RFC3: variants seen among roughly 807,000 people sequenced by gnomAD.
RFC3 encodes A1 38 kDa subunit.
Under a neutral mutation model 45.1 loss-of-function variants are expected in RFC3, and 41 were observed. The observed-to-expected ratio is 0.91, with a 90% CI of 0.71 to 1.18. The LOEUF (loss-of-function observed/expected upper bound fraction) is 1.18. Ranked by LOEUF, RFC3 falls within the 50% of genes most tolerant of loss-of-function variation. RFC3 has a pLI of 0.00. For synonymous variants in RFC3, 149 were observed against 144.0 expected (o/e 1.03, Z -0.25); for missense variants, 423 against 428.1 (o/e 0.99, Z 0.10).
intron 8 of RFC3, among the ~76,000 whole-genome samples, chr13:33,885,304 C>G (rs1201608429): frequency 3.5e-5 from 5 of 144,798 alleles, no homozygotes; most frequent in Admixed American, 1.4e-4. Context: ...ATCTAATAGT[C>G]AGAGTACCAT....
At chr13:33,942,861 A>G (rs537588741) in intron 8 of RFC3, among the ~76,000 whole-genome samples, 3 of 152,180 alleles carry the variant, frequency 2.0e-5, no homozygotes, top group Non-Finnish European at 4.4e-5. Context: ...AATCTTGAGA[A>G]GTCTGGTGCC....
intron 8 of RFC3, among the ~76,000 whole-genome samples, chr13:33,874,884 G>C (rs1328777892): frequency 6.6e-6 from 1 of 152,180 alleles, no homozygotes; most frequent in Non-Finnish European, 1.5e-5. Context: ...TATTTCTCCT[G>C]CTTTGTGTTA....
intron 8 of RFC3, among the ~76,000 whole-genome samples, chr13:33,869,445 G>T (rs1268777281): frequency 2.0e-5 from 3 of 151,036 alleles, no homozygotes; most frequent in Non-Finnish European, 4.4e-5. Flanking sequence ...TTACTCAACT[G>T]CTTTTTTTCA....
At chr13:33,913,579 TACTC>T (rs1040472153) in intron 8 of RFC3, among the ~76,000 whole-genome samples, 20 of 152,138 alleles carry the variant, frequency 1.3e-4, no homozygotes, top group Admixed American at 1.2e-3. Flanking sequence ...TTAGGGAAAT[TACTC>T]ACTCTCTCTA....
Position 33,894,123 on chromosome 13 carries a change from C to A in RFC3, c.879+58906C>A, listed in dbSNP as rs114810354. 8.4e-3 allele frequency among the ~76,000 whole-genome samples: 1,283 copies of A among 152,254 alleles called. 21 individuals carry two copies. Among genetic ancestry groups the A allele is most frequent in the African/African-American group, 0.029 (1,203 of 41,544 alleles). On this transcript the variant is annotated intron_variant, in intron 8 of 8. Transcript: ENST00000434425. ...AAGCAACACAGGAACAAACCACAGACCCTTTGAAAGAAGCAGAACCCTACA... is the reference window on the plus strand; with the variant it reads ...AAGCAACACAGGAACAAACCACAGAACCTTTGAAAGAAGCAGAACCCTACA...
chr13:33,851,773 T>C (rs9805579), intron 8 of RFC3, among the ~76,000 whole-genome samples: 9,529 of 152,216 alleles, frequency 0.063, 617 homozygotes, highest in East Asian at 0.16. Context: ...CACACACATA[T>C]GATCCAATTC....
intron 8 of RFC3, among the ~76,000 whole-genome samples, chr13:33,940,643 C>T (rs1367259463): frequency 2.0e-5 from 3 of 151,950 alleles, no homozygotes; most frequent in African/African-American, 7.3e-5. Flanking sequence ...TTTCTATTAC[C>T]TTGTCTGTCA....
At chr13:33,864,049 G>C (rs1227345917) in intron 8 of RFC3, among the ~76,000 whole-genome samples, 5 of 152,278 alleles carry the variant, frequency 3.3e-5, no homozygotes, top group African/African-American at 4.8e-5. Context: ...TTCTGGTGAG[G>C]GTCTCAGGAA....
intron 7 of RFC3, 21 bp from the exon 8 acceptor site, chr13:33,835,127 C>A: frequency 6.6e-7 from 1 of 1,509,912 alleles, no homozygotes; most frequent in Non-Finnish European, 9.1e-7. Flanking sequence ...CACAAAATAC[C>A]AATTATTTTG....
chr13:33,820,883 C>T lies in RFC3; in HGVS notation c.88-249C>T, dbSNP rs184078908. On this transcript the variant is annotated intron_variant, in intron 1 of 8. Transcript: ENST00000380071. Reference sequence around the variant, plus strand: ...TAAGTTATACAAAATTAGTGTCAGGCGAATAGTAAACTTTTCAGCATATAT... The same window carrying T: ...TAAGTTATACAAAATTAGTGTCAGGTGAATAGTAAACTTTTCAGCATATAT... Among the ~76,000 whole-genome samples the T allele has an allele frequency of 5.6e-3, 814 of 146,462 alleles. 4 individuals are homozygous for T. The highest frequency in any genetic ancestry group is 0.019 in the African/African-American group (755 of 39,854).
intron 8 of RFC3, among the ~76,000 whole-genome samples, chr13:33,877,234 T>C (rs1566012872): frequency 6.6e-6 from 1 of 152,230 alleles, no homozygotes; most frequent in Non-Finnish European, 1.5e-5. Context: ...AGAGGTAAGC[T>C]GATTATGCGG....
At chr13:33,867,363 CT>C (rs2082380102) in intron 8 of RFC3, among the ~76,000 whole-genome samples, 1 of 152,200 alleles carries the variant, frequency 6.6e-6, no homozygotes, top group South Asian at 2.1e-4. Flanking sequence ...ATAAAGCTTG[CT>C]TTCTTTCCCT....
chr13:33,838,857 CTT>C (rs1230314240), downstream of RFC3, among the ~76,000 whole-genome samples: 1 of 152,040 alleles, frequency 6.6e-6, no homozygotes, highest in Non-Finnish European at 1.5e-5. Flanking sequence ...TTAGGATTCT[CTT>C]TTGTTTTTCT....
intron 8 of RFC3, among the ~76,000 whole-genome samples, chr13:33,941,805 T>C (rs1279858575): frequency 6.6e-6 from 1 of 152,168 alleles, no homozygotes; most frequent in Non-Finnish European, 1.5e-5. Context: ...TTGAAGATTA[T>C]AGGCAAACAT....
At chr13:33,831,031 TC>T (rs2082097471) in intron 6 of RFC3, among the ~76,000 whole-genome samples, 176 bp downstream of exon 6, 1 of 152,130 alleles carries the variant, frequency 6.6e-6, no homozygotes, top group Non-Finnish European at 1.5e-5. Flanking sequence ...GGAGCGTAGA[TC>T]CCTTGCATAA....
At chr13:33,975,490 C>A in the RFC3 span, among the ~76,000 whole-genome samples, 1 of 152,170 alleles carries the variant, frequency 6.6e-6, no homozygotes, top group African/African-American at 2.4e-5. Context: ...ATGTATTTGT[C>A]AAAACCCATA....
intron 8 of RFC3, among the ~76,000 whole-genome samples, chr13:33,912,744 A>G (rs1191573391): frequency 1.3e-5 from 2 of 152,158 alleles, no homozygotes; most frequent in Non-Finnish European, 2.9e-5. Context: ...GAAAAAGATC[A>G]GACATTGGAT....
intron 8 of RFC3, among the ~76,000 whole-genome samples, chr13:33,896,853 GA>G (rs1268452692): frequency 4.0e-5 from 6 of 148,702 alleles, no homozygotes; most frequent in Admixed American, 2.0e-4. Flanking sequence ...AGTGCTGAAT[GA>G]AAAAAACCTC....
chr13:33,930,308 T>G (rs71438017), intron 8 of RFC3, among the ~76,000 whole-genome samples: 1,591 of 152,218 alleles, frequency 0.01, 13 homozygotes, highest in Non-Finnish European at 0.016. Flanking sequence ...AAGCTGACAG[T>G]GCAGCCTTCA....
Sources: allele counts gnomAD v4.1 joint callset (sites outside exome capture counted in the v4.1 genomes callset), GRCh38; gene constraint gnomAD v4.1.1; transcripts MANE v1.5; gene names NCBI Gene and HGNC (gene_info 2026-07-23, HGNC 2026-07-21).